The following MLLT10 variants were observed in gnomAD, a reference collection of about 807,000 sequenced individuals.
MLLT10 encodes MLLT10 histone lysine methyltransferase DOT1L cofactor.
Under a neutral mutation model 129.1 loss-of-function variants are expected in MLLT10, and 30 were observed. That is an observed-to-expected ratio of 0.23 (90% confidence interval 0.17 to 0.32). The LOEUF (loss-of-function observed/expected upper bound fraction) is 0.32. Among genes scored for constraint, MLLT10 ranks in the 10% least tolerant of loss-of-function variants. The pLI is 1.00. For missense variants in MLLT10, 1,119 were observed against 1,268.3 expected (o/e 0.88, Z 1.79); for synonymous variants, 490 against 446.4 (o/e 1.10, Z -1.23).
At chr10:21,648,190 T>G (rs2048687163) in intron 8 of MLLT10, among the ~76,000 whole-genome samples, 1 of 152,194 alleles carries the variant, frequency 6.6e-6, no homozygotes, top group African/African-American at 2.4e-5. Context: ...CAACATATGT[T>G]TTTAGTGACA....
chr10:21,698,407 T>C (rs1325292970), intron 13 of MLLT10, among the ~76,000 whole-genome samples: 1 of 152,230 alleles, frequency 6.6e-6, no homozygotes, highest in Non-Finnish European at 1.5e-5. Flanking sequence ...ATTTCATTCT[T>C]TCTTATGGCC....
chr10:21,687,636 T>C (rs893468606), intron 13 of MLLT10, among the ~76,000 whole-genome samples: 1 of 152,148 alleles, frequency 6.6e-6, no homozygotes, highest in African/African-American at 2.4e-5. Context: ...ACACAAACTG[T>C]GAATCACTTG....
intron 8 of MLLT10, among the ~76,000 whole-genome samples, chr10:21,634,635 A>G (rs2047296150): frequency 1.3e-5 from 2 of 152,194 alleles, no homozygotes; most frequent in Non-Finnish European, 1.5e-5. Flanking sequence ...TTTGGTGGTA[A>G]TAATGTGATG....
At chr10:21,555,898 C>T (rs1036295281) in intron 3 of MLLT10, among the ~76,000 whole-genome samples, 1 of 151,672 alleles carries the variant, frequency 6.6e-6, no homozygotes, top group Non-Finnish European at 1.5e-5. Context: ...AACTCCCGAC[C>T]TCAGGTGATC....
At chr10:21,642,279 G>T (rs764127720) in intron 8 of MLLT10, among the ~76,000 whole-genome samples, 2 of 152,204 alleles carry the variant, frequency 1.3e-5, no homozygotes, top group Non-Finnish European at 2.9e-5. Context: ...CTTGAACCCG[G>T]AGGCAGAGGT....
intron 13 of MLLT10, among the ~76,000 whole-genome samples, chr10:21,707,606 T>TA (rs962037086): frequency 5.9e-5 from 9 of 151,760 alleles, no homozygotes; most frequent in African/African-American, 9.7e-5. Context: ...AATAGCCTCC[T>TA]AAAAAAAAAT....
At chr10:21,629,231 G>A (rs181744189) in intron 8 of MLLT10, among the ~76,000 whole-genome samples, 24 of 152,000 alleles carry the variant, frequency 1.6e-4, no homozygotes, top group Admixed American at 1.0e-3. Flanking sequence ...GCCTGGCCTC[G>A]GAAGTCACAC....
intron 13 of MLLT10, among the ~76,000 whole-genome samples, chr10:21,686,192 A>G (rs2131417416): frequency 6.6e-6 from 1 of 152,310 alleles, no homozygotes; most frequent in Non-Finnish European, 1.5e-5. Context: ...CCAGGGCACC[A>G]CCACAAAACC....
chr10:21,701,770 A>C (rs1281663033), intron 13 of MLLT10, among the ~76,000 whole-genome samples: 1 of 151,700 alleles, frequency 6.6e-6, no homozygotes, highest in Non-Finnish European at 1.5e-5. Context: ...TTATATTTTT[A>C]GAAGAGATGG....
chr10:21,610,902 T>TTTGGGA (rs983554526), intron 5 of MLLT10, among the ~76,000 whole-genome samples: 51 of 151,852 alleles, frequency 3.4e-4, no homozygotes, highest in African/African-American at 1.2e-3. Context: ...TTTGTTGTTA[T>TTTGGGA]TTGGGATTTT....
intron 13 of MLLT10, among the ~76,000 whole-genome samples, chr10:21,688,117 C>T (rs1366066594): frequency 6.6e-6 from 1 of 150,854 alleles, no homozygotes; most frequent in East Asian, 2.0e-4. Flanking sequence ...CTGGTGAGTC[C>T]ACCACTGGGG....
chr10:21,741,881 G>A lies in MLLT10; in HGVS notation c.3163-58G>A, dbSNP rs868689706. 133 of 1,552,212 alleles carry A rather than the reference G, an allele frequency of 8.6e-5. 1 individual carries two copies. The Middle Eastern group carries it at 1.3e-3, about 16-fold the overall frequency. On this transcript the variant is annotated intron_variant, in intron 22 of 22. Transcript: ENST00000307729. ...TTATCTCAGTCACAGTTTCAAATTC[G>A]GAGAATATTATCAAAAGTTGATTTA...
intron 9 of MLLT10, chr10:21,669,182 T>A (rs2051138319): frequency 1.2e-6 from 1 of 835,340 alleles, no homozygotes; most frequent in East Asian, 5.5e-5. Flanking sequence ...AGTGGAGTAC[T>A]TTGTTTTTAT....
Position 21,743,198 on chromosome 10 carries a change from G to A in MLLT10, c.*1215G>A, listed in dbSNP as rs1472211762. The A allele has an allele frequency of 4.4e-6, 1 of 228,746 alleles. No individual in the cohort carries two copies. The highest frequency in any genetic ancestry group is 2.2e-5 in the African/African-American group (1 of 45,026). The allele number at this position is 228,746 out of a possible 1,614,324, so 14.2% of individuals were successfully genotyped here. A position where few individuals can be genotyped will look rare whatever the true frequency, so the allele number is the denominator to read the frequency against. Reference sequence around the variant, plus strand: ...GTGAATTATTAGTGGAAAAGACCCAGCTGTAATTAGACCTCCACTGTGTAC... The same window carrying A: ...GTGAATTATTAGTGGAAAAGACCCAACTGTAATTAGACCTCCACTGTGTAC... On this transcript the variant is annotated 3_prime_UTR_variant, in exon 23 of 23. Coordinates refer to ENST00000307729, the MANE Select transcript of MLLT10 (RefSeq NM_001195626.3).
intron 14 of MLLT10, among the ~76,000 whole-genome samples, chr10:21,715,358 A>G (rs1190506380): frequency 6.6e-6 from 1 of 152,204 alleles, no homozygotes; most frequent in Non-Finnish European, 1.5e-5. Flanking sequence ...TGAACCTCCC[A>G]ACTTGATATA....
chr10:21,626,049 C>G lies in MLLT10; in HGVS notation c.699+8842C>G, dbSNP rs1564532104. On this transcript the variant is annotated intron_variant, in intron 8 of 22. Coordinates refer to ENST00000307729, the MANE Select transcript of MLLT10 (RefSeq NM_001195626.3). ...ACATTCAGAGTATAATCATTTCTCT[C>G]AAGCAAGGCCTTGATCTTCACTTCA... 4.9e-6 allele frequency: 7 copies of G among 1,423,734 alleles called. No individual in the cohort carries two copies. In the South Asian group the frequency reaches 6.9e-5, roughly 14 times the overall value. 88.2% of individuals were successfully genotyped at this position (1,423,734 alleles called of 1,614,324 possible).
At chr10:21,621,054 G>A (rs558829096) in intron 8 of MLLT10, among the ~76,000 whole-genome samples, 18 of 151,630 alleles carry the variant, frequency 1.2e-4, no homozygotes, top group South Asian at 6.2e-4. Flanking sequence ...GCGCAATCTC[G>A]GTTTACTGCA....
At chr10:21,730,871 CTTT>C (rs769216620) in intron 16 of MLLT10, 26 bp from the exon 17 acceptor site, 7 of 1,613,646 alleles carry the variant, frequency 4.3e-6, no homozygotes. Context: ...CATTCCCCTT[CTTT>C]TTAACTTGAG....
intron 9 of MLLT10, among the ~76,000 whole-genome samples, chr10:21,667,252 A>G (rs2050902805): frequency 1.3e-5 from 2 of 151,956 alleles, no homozygotes; most frequent in South Asian, 4.1e-4. Flanking sequence ...TTCTTGTAAC[A>G]TTTCCTCTTT....
Sources: allele counts gnomAD v4.1 joint callset (sites outside exome capture counted in the v4.1 genomes callset), GRCh38; gene constraint gnomAD v4.1.1; transcripts MANE v1.5; gene names NCBI Gene and HGNC (gene_info 2026-07-23, HGNC 2026-07-21).